The following PSMA2 variants were observed in gnomAD, a reference collection of about 807,000 sequenced individuals.
PSMA2 encodes the protein proteasome 20S subunit alpha 2, also known as proteasome subunit alpha type-2.
PSMA2 carries 2 observed loss-of-function variants against 35.9 expected under a neutral mutation model. The observed-to-expected ratio is 0.06, with a 90% CI of 0.02 to 0.18. The LOEUF (loss-of-function observed/expected upper bound fraction) is 0.18. Ranked by LOEUF, PSMA2 falls within the 10% of genes least tolerant of loss-of-function variation. PSMA2 has a pLI of 1.00. For missense variants in PSMA2, 126 were observed against 278.8 expected (o/e 0.45, Z 3.90); for synonymous variants, 97 against 98.2 (o/e 0.99, Z 0.07).
At chr7:42,931,368 C>A (rs1786307645) in intron 1 of PSMA2, among the ~76,000 whole-genome samples, 1 of 152,312 alleles carries the variant, frequency 6.6e-6, no homozygotes, top group African/African-American at 2.4e-5. Flanking sequence ...GGTTTTCTCA[C>A]GTTGAGAGCC....
intron 1 of PSMA2, among the ~76,000 whole-genome samples, chr7:42,928,066 GT>G (rs1281627817): frequency 1.3e-5 from 2 of 152,128 alleles, no homozygotes; most frequent in Non-Finnish European, 2.9e-5. Flanking sequence ...TTCTATGCCT[GT>G]TTTCTCACCT....
chr7:42,930,404 C>A (rs935203545), intron 1 of PSMA2, among the ~76,000 whole-genome samples: 8 of 151,992 alleles, frequency 5.3e-5, no homozygotes, highest in African/African-American at 1.9e-4. Flanking sequence ...GGATTACAGG[C>A]ACATGCCTGG....
chr7:42,918,949 G>A (rs571659460), intron 6 of PSMA2: 94 of 187,560 alleles, frequency 5.0e-4, no homozygotes, highest in African/African-American at 1.9e-3. Flanking sequence ...TCAGCCTCCC[G>A]AGTAGCTGGG....
intron 6 of PSMA2, chr7:42,919,421 A>G (rs999993142): frequency 3.6e-6 from 2 of 554,590 alleles, no homozygotes; most frequent in Middle Eastern, 3.5e-4. Context: ...TGTTTTGCAT[A>G]TATGACTTGA....
chr7:42,922,219 G>C (rs558137161), intron 5 of PSMA2, among the ~76,000 whole-genome samples: 1 of 152,216 alleles, frequency 6.6e-6, no homozygotes, highest in South Asian at 2.1e-4. Context: ...AAACTGATGA[G>C]CTGGTGATGA....
chr7:42,920,553 C>A (rs139138958), intron 6 of PSMA2: 3 of 152,190 alleles, frequency 2.0e-5, no homozygotes, highest in Non-Finnish European at 4.4e-5. Context: ...TGGTTCTGAA[C>A]ATCTAATTAT....
chr7:42,921,979 C>T (rs748067692), intron 5 of PSMA2, 48 bp from the exon 6 acceptor site: 3 of 1,393,422 alleles, frequency 2.2e-6, no homozygotes, highest in South Asian at 2.4e-5. Context: ...AACACAAATA[C>T]AATTATATTG....
intron 2 of PSMA2, 46 bp downstream of exon 2, chr7:42,927,337 G>C (rs1267532678): frequency 6.7e-7 from 1 of 1,495,300 alleles, no homozygotes; most frequent in African/African-American, 1.4e-5. Context: ...AAAATAATTA[G>C]GATAACTACT....
intron 1 of PSMA2, among the ~76,000 whole-genome samples, chr7:42,930,860 C>T (rs956762260): frequency 1.3e-5 from 2 of 152,034 alleles, no homozygotes; most frequent in African/African-American, 4.8e-5. Context: ...TAAATAGGAA[C>T]AGTGAATACA....
intron 4 of PSMA2, 121 bp from the exon 5 acceptor site, chr7:42,923,527 C>T: frequency 4.3e-6 from 3 of 705,258 alleles, no homozygotes; most frequent in Non-Finnish European, 7.4e-6. Flanking sequence ...CTTTTAAGTT[C>T]CTTAGAAAGT....
At position 42,929,418 on chromosome 7, in the gene PSMA2, T is replaced by C. The variant is rs115227210; in HGVS notation, c.42-1959A>G. Among the ~76,000 whole-genome samples, 864 of 152,302 alleles carry C rather than the reference T, an allele frequency of 5.7e-3. 7 individuals carry two copies. Among genetic ancestry groups the C allele is most frequent in the African/African-American group, 0.02 (825 of 41,568 alleles). On this transcript the variant is annotated intron_variant, in intron 1 of 7. Transcript: ENST00000223321. ...TAACATTTAAAGGCTCATGTAAACT[T>C]AATAGCTACCATTTCTCTGTTCCTA... is the stretch of plus-strand genomic sequence containing the variant.
At chr7:42,922,042 C>T (rs1333005373) in intron 5 of PSMA2, 111 bp from the exon 6 acceptor site, 3 of 774,980 alleles carry the variant, frequency 3.9e-6, no homozygotes, top group Non-Finnish European at 6.2e-6. Flanking sequence ...TCGAAGGTCA[C>T]AGAATATTAT....
intron 6 of PSMA2, 79 bp downstream of exon 6, chr7:42,921,779 T>C (rs1562700958): frequency 2.6e-6 from 3 of 1,166,362 alleles, no homozygotes; most frequent in African/African-American, 3.1e-5. Context: ...TTTAGTCCCA[T>C]GATATTAATT....
At chr7:42,927,901 C>T (rs981327682) in intron 1 of PSMA2, among the ~76,000 whole-genome samples, 3 of 64,280 alleles carry the variant, frequency 4.7e-5, no homozygotes, top group African/African-American at 1.5e-4. Context: ...GCCGAAACCT[C>T]GTCTCAAAAA....
intron 5 of PSMA2, among the ~76,000 whole-genome samples, chr7:42,923,089 G>A (rs539509452): frequency 3.3e-5 from 5 of 152,126 alleles, no homozygotes; most frequent in Non-Finnish European, 7.4e-5. Context: ...TCACCCAAGT[G>A]TATGAAGTTA....
chr7:42,927,511 G>GT, intron 1 of PSMA2, 52 bp from the exon 2 acceptor site: 1 of 1,521,322 alleles, frequency 6.6e-7, no homozygotes, highest in Non-Finnish European at 9.1e-7. Flanking sequence ...AATATTTATT[G>GT]TAAGAACATC....
chr7:42,926,432 G>A, intron 3 of PSMA2, 104 bp downstream of exon 3: 1 of 1,326,906 alleles, frequency 7.5e-7, no homozygotes, highest in Non-Finnish European at 1.0e-6. Flanking sequence ...CAAAAAAAGA[G>A]GAACTGGAAG....
intron 6 of PSMA2, chr7:42,919,908 C>T (rs1044669926): frequency 1.6e-5 from 12 of 755,322 alleles, no homozygotes; most frequent in Non-Finnish European, 3.0e-5. Flanking sequence ...AGATGGAACA[C>T]TGAGACTGGC....
chr7:42,929,205 C>A (rs1786257476), intron 1 of PSMA2, among the ~76,000 whole-genome samples: 1 of 152,084 alleles, frequency 6.6e-6, no homozygotes, highest in South Asian at 2.1e-4. Context: ...AAGAAACAGA[C>A]CTAAGGGTGA....
Sources: allele counts gnomAD v4.1 joint callset (sites outside exome capture counted in the v4.1 genomes callset), GRCh38; gene constraint gnomAD v4.1.1; transcripts MANE v1.5; gene names NCBI Gene and HGNC (gene_info 2026-07-23, HGNC 2026-07-21).